The following HPSE2 variants were observed in gnomAD, a reference collection of about 807,000 sequenced individuals.
HPSE2 encodes heparanase 2 (inactive).
Under a neutral mutation model 60.5 loss-of-function variants are expected in HPSE2, and 38 were observed. The observed-to-expected ratio is 0.63, with a 90% CI of 0.48 to 0.82. The LOEUF is 0.82. Ranked by LOEUF, HPSE2 falls within the 40% of genes least tolerant of loss-of-function variation. HPSE2 has a pLI of 0.00. For synonymous variants in HPSE2, 295 were observed against 293.2 expected (o/e 1.01, Z -0.06); for missense variants, 713 against 740.4 (o/e 0.96, Z 0.43).
chr10:99,071,797 T>C (rs145368631), intron 3 of HPSE2, among the ~76,000 whole-genome samples: 1 of 152,346 alleles, frequency 6.6e-6, no homozygotes, highest in East Asian at 1.9e-4. Flanking sequence ...TATCCAGTTT[T>C]CCCAACACTA....
chr10:98,646,303 ATTTC>A (rs888629356), intron 6 of HPSE2, among the ~76,000 whole-genome samples: 4 of 138,932 alleles, frequency 2.9e-5, no homozygotes, highest in African/African-American at 1.0e-4. Flanking sequence ...GATAATGGTG[ATTTC>A]TTTTTTTCTT....
intron 3 of HPSE2, among the ~76,000 whole-genome samples, chr10:98,863,874 A>C (rs1193344363): frequency 6.6e-6 from 1 of 152,156 alleles, no homozygotes; most frequent in African/African-American, 2.4e-5. Flanking sequence ...AAAAACTTTT[A>C]AGTGAATTTC....
chr10:98,851,375 CT>C (rs1431691899), intron 3 of HPSE2, among the ~76,000 whole-genome samples: 2 of 111,250 alleles, frequency 1.8e-5, no homozygotes, highest in African/African-American at 5.9e-5. Flanking sequence ...TAACCTCTTG[CT>C]TCACAGGTTT....
At chr10:98,745,390 G>A (rs1949605346) in intron 3 of HPSE2, among the ~76,000 whole-genome samples, 1 of 152,070 alleles carries the variant, frequency 6.6e-6, no homozygotes, top group Admixed American at 6.5e-5. Context: ...TCTACTTCTA[G>A]ATTCTTCCCA....
intron 3 of HPSE2, among the ~76,000 whole-genome samples, chr10:98,821,077 T>G (rs1951413171): frequency 6.6e-6 from 1 of 152,170 alleles, no homozygotes; most frequent in Admixed American, 6.5e-5. Flanking sequence ...TTACATGAAA[T>G]TCCTAGACCA....
At chr10:98,903,228 T>C (rs1459859420) in intron 3 of HPSE2, among the ~76,000 whole-genome samples, 1 of 151,982 alleles carries the variant, frequency 6.6e-6, no homozygotes, top group East Asian at 1.9e-4. Flanking sequence ...AGAAAAACTA[T>C]AGAGATAGAA....
rs139978924 is a variant in HPSE2 at position 98,860,382 on chromosome 10, A to G, written c.611-116326T>C. On this transcript the variant is annotated intron_variant, in intron 3 of 11. Coordinates refer to ENST00000370552, the MANE Select transcript of HPSE2 (RefSeq NM_021828.5). ...ATATCAGAACATACTTTTCAAAGTC[A>G]TACTTTCTACCTTTGCTCATGCTGT... is the stretch of plus-strand genomic sequence containing the variant. 2.6e-5 allele frequency among the ~76,000 whole-genome samples: 4 copies of G among 152,294 alleles called. No individual in the cohort carries two copies. The East Asian group carries it at 7.7e-4, about 29-fold the overall frequency.
At chr10:98,476,757 T>C (rs1376610065) in intron 11 of HPSE2, among the ~76,000 whole-genome samples, 1 of 151,918 alleles carries the variant, frequency 6.6e-6, no homozygotes, top group Non-Finnish European at 1.5e-5. Context: ...ACCACTGCAC[T>C]CCAGCCTGGG....
rs543502579 is a variant in HPSE2 at position 98,729,763 on chromosome 10, G to C, written c.785-7935C>G. 1.8e-4 allele frequency among the ~76,000 whole-genome samples: 27 copies of C among 146,502 alleles called. 1 individual carries two copies. In the South Asian group the frequency reaches 5.7e-3, roughly 31 times the overall value. On this transcript the variant is annotated intron_variant, in intron 4 of 11. Transcript: ENST00000370552. ...TATGAGGCATTTTATAATGATAAAA[G>C]GCATTTTATAATGAGAAGAAAGGTC...
At chr10:98,943,122 C>A (rs991022301) in intron 3 of HPSE2, among the ~76,000 whole-genome samples, 4 of 150,622 alleles carry the variant, frequency 2.7e-5, no homozygotes, top group Non-Finnish European at 4.4e-5. Context: ...AGGTGATATA[C>A]CTAATGCTAA....
chr10:98,726,978 G>A (rs1402614235), intron 4 of HPSE2, among the ~76,000 whole-genome samples: 4 of 152,044 alleles, frequency 2.6e-5, no homozygotes, highest in Non-Finnish European at 5.9e-5. Flanking sequence ...AGGCTTACTG[G>A]CTCACGGGAA....
At chr10:98,667,776 A>C (rs1336015990) in intron 6 of HPSE2, among the ~76,000 whole-genome samples, 1 of 152,212 alleles carries the variant, frequency 6.6e-6, no homozygotes, top group East Asian at 1.9e-4. Flanking sequence ...AAAGGCACAT[A>C]CATCAAAATA....
chr10:99,078,101 C>CA (rs1418748113), intron 3 of HPSE2, among the ~76,000 whole-genome samples: 3 of 152,174 alleles, frequency 2.0e-5, no homozygotes, highest in Non-Finnish European at 4.4e-5. Flanking sequence ...CTGAGGCTCT[C>CA]ACCAGAAGCA....
intron 9 of HPSE2, among the ~76,000 whole-genome samples, chr10:98,509,993 C>A (rs1257134477): frequency 6.6e-6 from 1 of 151,954 alleles, no homozygotes; most frequent in Non-Finnish European, 1.5e-5. Flanking sequence ...ACTTTGTTAA[C>A]TGAAACTCAG....
At chr10:99,184,655 A>T (rs2133840997) in intron 2 of HPSE2, among the ~76,000 whole-genome samples, 1 of 149,206 alleles carries the variant, frequency 6.7e-6, no homozygotes, top group Non-Finnish European at 1.5e-5. Context: ...TGTATAAAAG[A>T]CACAAGTTGA....
chr10:98,719,709 A>G (rs1431927563), intron 5 of HPSE2, among the ~76,000 whole-genome samples: 1 of 149,762 alleles, frequency 6.7e-6, no homozygotes, highest in Non-Finnish European at 1.5e-5. Context: ...ATTAAAAAAA[A>G]AAAAAAAAAA....
chr10:98,951,087 C>T (rs1209238406), intron 3 of HPSE2, among the ~76,000 whole-genome samples: 1 of 152,010 alleles, frequency 6.6e-6, no homozygotes, highest in Non-Finnish European at 1.5e-5. Flanking sequence ...TTTAACTAGA[C>T]AAGGTAGAGG....
intron 5 of HPSE2, among the ~76,000 whole-genome samples, chr10:98,718,675 C>A (rs1040112470): frequency 6.6e-6 from 1 of 152,032 alleles, no homozygotes; most frequent in Non-Finnish European, 1.5e-5. Context: ...TTAAGTGAAA[C>A]AAGCCAGGCA....
At chr10:99,229,173 G>GA (rs200136057) in intron 2 of HPSE2, among the ~76,000 whole-genome samples, 6,641 of 137,052 alleles carry the variant, frequency 0.048, 245 homozygotes, top group African/African-American at 0.11. Flanking sequence ...ACTCCATATC[G>GA]AAAAAAAAAA....
Sources: allele counts gnomAD v4.1 joint callset (sites outside exome capture counted in the v4.1 genomes callset), GRCh38; gene constraint gnomAD v4.1.1; transcripts MANE v1.5; gene names NCBI Gene and HGNC (gene_info 2026-07-23, HGNC 2026-07-21).